NCBP1: variants seen among roughly 807,000 people sequenced by gnomAD.
NCBP1 encodes nuclear cap-binding protein subunit 1.
NCBP1 carries 16 observed loss-of-function variants against 111.7 expected under a neutral mutation model. The observed-to-expected ratio is 0.14, with a 90% CI of 0.10 to 0.22. The LOEUF is 0.22. Among genes scored for constraint, NCBP1 ranks in the 10% least tolerant of loss-of-function variants. The pLI is 1.00. For synonymous variants in NCBP1, 304 were observed against 314.3 expected, an observed-to-expected ratio of 0.97 and a Z score of 0.35; for missense variants, 607 against 957.5, an observed-to-expected ratio of 0.63 and a Z score of 4.83.
At chr9:97,634,004 C>T (rs888309913) in intron 1 of NCBP1, 89 bp downstream of exon 1, 1 of 1,393,356 alleles carries the variant, frequency 7.2e-7, no homozygotes. Context: ...AGACTGGAAG[C>T]TCTTCTCCCC....
chr9:97,668,944 A>G lies in NCBP1; in HGVS notation c.2115A>G (p.Glu705=), dbSNP rs1828094102. Residue 705 remains glutamate (E), a synonymous_variant, in exon 21 of 23, where the codon GAA becomes GAG. Coordinates refer to ENST00000375147, the MANE Select transcript of NCBP1 (RefSeq NM_002486.5). ...LQEKVESAQS[E]QKNLFLVIFQ... is the part of the protein sequence containing the mutation. ...AAAAAGTGGAATCTGCTCAGAGTGAACAAAAGAATCTTTTCCTCGTTATAT... is the reference window on the plus strand; with the variant it reads ...AAAAAGTGGAATCTGCTCAGAGTGAGCAAAAGAATCTTTTCCTCGTTATAT... 7 of 1,612,560 alleles carry G rather than the reference A, an allele frequency of 4.3e-6. No homozygotes were observed. Among genetic ancestry groups the G allele is most frequent in the Non-Finnish European group, 5.1e-6 (6 of 1,179,402 alleles).
intron 2 of NCBP1, among the ~76,000 whole-genome samples, chr9:97,641,133 T>A (rs979190584): frequency 6.6e-6 from 1 of 152,118 alleles, no homozygotes; most frequent in Admixed American, 6.5e-5. Flanking sequence ...GACCCCTTAA[T>A]TTATGCATGA....
At chr9:97,647,920 A>G (rs545029830) in intron 7 of NCBP1, 88 bp from the exon 8 acceptor site, 15 of 1,135,470 alleles carry the variant, frequency 1.3e-5, no homozygotes, top group Non-Finnish European at 1.8e-5. Context: ...TTACTTTTGT[A>G]TCCTGTATTT....
At chr9:97,649,524 A>G (rs1827440518) in intron 8 of NCBP1, among the ~76,000 whole-genome samples, 6 of 152,220 alleles carry the variant, frequency 3.9e-5, no homozygotes. Flanking sequence ...TAAAGTGCTA[A>G]TGACCAGTAG....
At chr9:97,657,559 A>G (rs1827695818) in intron 14 of NCBP1, among the ~76,000 whole-genome samples, 1 of 151,956 alleles carries the variant, frequency 6.6e-6, no homozygotes, top group Admixed American at 6.6e-5. Flanking sequence ...TAACCTCACC[A>G]TTTTTCCCTT....
At position 97,656,005 on chromosome 9, in the gene NCBP1, C is replaced by CCT. The variant is rs1437374513; in HGVS notation, c.1299-5_1299-4dup. 1 of 1,612,378 alleles carries CCT rather than the reference C, an allele frequency of 6.2e-7. No individual in the cohort carries two copies. The highest frequency in any genetic ancestry group is 1.7e-5 in the Admixed American group (1 of 59,986). ...AAGCATTGATAAAACTACATTTCCTCCTTAGGTCAGATTGTCTTAGTCAAG... is the reference window on the plus strand; with the variant it reads ...AAGCATTGATAAAACTACATTTCCTCCTCTTAGGTCAGATTGTCTTAGTCAAG... On this transcript the variant is annotated splice_region_variant and splice_polypyrimidine_tract_variant and intron_variant, in intron 13 of 22. Coordinates refer to ENST00000375147, the MANE Select transcript of NCBP1 (RefSeq NM_002486.5).
chr9:97,657,185 C>T (rs1240505088), intron 14 of NCBP1, among the ~76,000 whole-genome samples: 1 of 152,136 alleles, frequency 6.6e-6, no homozygotes, highest in Non-Finnish European at 1.5e-5. Context: ...CTGGGATGAT[C>T]TCGATCTCCT....
intron 18 of NCBP1, among the ~76,000 whole-genome samples, chr9:97,664,012 A>G (rs1475074069): frequency 6.6e-6 from 1 of 151,764 alleles, no homozygotes; most frequent in Admixed American, 6.6e-5. Context: ...AACCCCGTCT[A>G]TACTAAAATT....
At chr9:97,645,376 T>C in intron 5 of NCBP1, 152 bp downstream of exon 5, 1 of 756,622 alleles carries the variant, frequency 1.3e-6, no homozygotes, top group Non-Finnish European at 2.1e-6. Context: ...GTTCTTACTA[T>C]CTAAAAATTA....
chr9:97,647,102 C>T (rs1827363528), intron 6 of NCBP1, among the ~76,000 whole-genome samples: 1 of 151,932 alleles, frequency 6.6e-6, no homozygotes, highest in Non-Finnish European at 1.5e-5. Context: ...ATCTTTTGCT[C>T]TTATAAACAA....
chr9:97,668,221 C>G (rs548823431), intron 20 of NCBP1, among the ~76,000 whole-genome samples: 3 of 152,334 alleles, frequency 2.0e-5, no homozygotes, highest in East Asian at 1.9e-4. Flanking sequence ...GGAAAGTCAT[C>G]TAACCTCTCA....
rs751662041 is a variant in NCBP1, at chr9:97,648,022, G to A, written c.696G>A (p.Leu232=). ...TCTGTCTTTAGTATTTAGATTGCCT[G>A]TGGGCCCAGATTCAGAAATTGAAAA... ...PHPQEEYLDC[L]WAQIQKLKKD... The change falls in exon 8 of 23, where the codon CTG becomes CTA. Residue 232 remains leucine, a synonymous_variant. Transcript: ENST00000375147. The A allele has an allele frequency of 2.5e-6, 4 of 1,613,136 alleles. 1 individual carries two copies. In the South Asian group the frequency reaches 3.3e-5, roughly 13 times the overall value.
At chr9:97,658,612 T>C (rs748903452) in intron 14 of NCBP1, 28 bp from the exon 15 acceptor site, 4 of 1,532,834 alleles carry the variant, frequency 2.6e-6, no homozygotes, top group African/African-American at 1.4e-5. Flanking sequence ...ATAAAAGATA[T>C]TTTCTGAGGC....
Position 97,672,348 on chromosome 9 carries a change from G to A in NCBP1, c.*1149G>A, listed in dbSNP as rs1055137010. On this transcript the variant is annotated 3_prime_UTR_variant, in exon 23 of 23. Transcript: ENST00000375147. ...ATCCCAAGTTTATGATGCATTAAGC[G>A]TTTTGCATATTTTGATATATTTTTG... 1.3e-5 allele frequency: 2 copies of A among 152,008 alleles called. No homozygotes were observed. Among genetic ancestry groups the A allele is most frequent in the Non-Finnish European group, 1.5e-5 (1 of 67,998 alleles). The allele number at this position is 152,008 out of a possible 1,614,324, so 9.4% of individuals were successfully genotyped here.
intron 20 of NCBP1, 103 bp from the exon 21 acceptor site, chr9:97,668,743 A>C: frequency 7.7e-7 from 1 of 1,300,980 alleles, no homozygotes; most frequent in Non-Finnish European, 1.0e-6. Flanking sequence ...ATAGAATATA[A>C]GTCTTAACAT....
chr9:97,634,114 A>G (rs1826919624), intron 1 of NCBP1, among the ~76,000 whole-genome samples, 199 bp downstream of exon 1: 1 of 152,204 alleles, frequency 6.6e-6, no homozygotes, highest in African/African-American at 2.4e-5. Context: ...CAGTTCTTTG[A>G]GTCAAGGGCC....
rs543572101 is a variant in NCBP1, at chr9:97,669,427, A to AC, written c.2146-164dup. Among the ~76,000 whole-genome samples the AC allele has an allele frequency of 3.9e-5, 6 of 152,330 alleles. No homozygotes were observed. In the East Asian group the frequency reaches 9.6e-4, roughly 24 times the overall value. On this transcript the variant is annotated intron_variant, in intron 21 of 22. Coordinates refer to ENST00000375147, the MANE Select transcript of NCBP1 (RefSeq NM_002486.5). ...GAAGAATGTACCAACTCATGTTATT[A>AC]CCAGTCTGCCCTTCTAGGTTGACTT...
intron 4 of NCBP1, among the ~76,000 whole-genome samples, chr9:97,643,578 G>T (rs775569643): frequency 7.9e-5 from 12 of 152,040 alleles, no homozygotes; most frequent in Non-Finnish European, 1.5e-4. Context: ...TAGCTGCATA[G>T]CCTTCAGATA....
chr9:97,665,372 G>C (rs1389688967), intron 19 of NCBP1, among the ~76,000 whole-genome samples: 1 of 152,194 alleles, frequency 6.6e-6, no homozygotes, highest in African/African-American at 2.4e-5. Context: ...CGTAGAGAAG[G>C]TTCCATTATT....
Sources: allele counts gnomAD v4.1 joint callset (sites outside exome capture counted in the v4.1 genomes callset), GRCh38; gene constraint gnomAD v4.1.1; transcripts MANE v1.5; gene names NCBI Gene and HGNC (gene_info 2026-07-23, HGNC 2026-07-21).